Variants in BOLL observed in about 807,000 individuals in gnomAD.
The protein encoded by BOLL is protein boule-like.
In BOLL, 23 loss-of-function variants were observed where a neutral mutation model predicts 44.4. That is an observed-to-expected ratio of 0.52 (90% CI 0.37 to 0.73). The LOEUF is 0.73. BOLL is among the 30% of genes least tolerant of loss of function. BOLL has a pLI of 0.00. For synonymous variants in BOLL, 97 were observed against 110.8 expected (o/e 0.88, Z 0.78); for missense variants, 287 against 338.3 (o/e 0.85, Z 1.19).
chr2:197,759,442 G>A (rs1490381530), intron 7 of BOLL, among the ~76,000 whole-genome samples: 1 of 151,990 alleles, frequency 6.6e-6, no homozygotes, highest in South Asian at 2.1e-4. Context: ...GGAGTACAAA[G>A]TGTGTACTCC....
intron 7 of BOLL, among the ~76,000 whole-genome samples, chr2:197,759,791 T>C (rs1688671082): frequency 1.3e-5 from 2 of 152,184 alleles, no homozygotes; most frequent in Admixed American, 1.3e-4. Flanking sequence ...TCCTCAAGCC[T>C]CGTAGTAGCT....
At chr2:197,784,660 C>A in intron 1 of BOLL, 2 of 917,296 alleles carry the variant, frequency 2.2e-6, no homozygotes, top group Non-Finnish European at 2.6e-6. Context: ...GATCTCCTGA[C>A]CTCGTGATCC....
Position 197,728,361 on chromosome 2 carries a change from G to T in BOLL, c.*194C>A. 1.2e-6 allele frequency: 1 copy of T among 806,526 alleles called. No individual in the cohort carries two copies. The highest frequency in any genetic ancestry group is 1.9e-6 in the Non-Finnish European group (1 of 515,198). The allele number at this position is 806,526 out of a possible 1,614,324, so 50.0% of individuals were successfully genotyped here. ...ATGCCACATCTACCTAAATAATTTTGTAGAACAGCTGAAAAAGCAAATTTC... is the reference window on the plus strand; with the variant it reads ...ATGCCACATCTACCTAAATAATTTTTTAGAACAGCTGAAAAAGCAAATTTC... On this transcript the variant is annotated 3_prime_UTR_variant, in exon 11 of 11. Transcript: ENST00000392296.
At chr2:197,730,481 CGAGAA>C (rs1257489328) in intron 10 of BOLL, among the ~76,000 whole-genome samples, 1 of 139,670 alleles carries the variant, frequency 7.2e-6, no homozygotes, top group Non-Finnish European at 1.5e-5. Flanking sequence ...AGATACTCCT[CGAGAA>C]GAGCAACTCC....
At chr2:197,751,118 T>C (rs1327411488) in intron 9 of BOLL, among the ~76,000 whole-genome samples, 2 of 152,156 alleles carry the variant, frequency 1.3e-5, no homozygotes, top group South Asian at 2.1e-4. Context: ...AGACACAACA[T>C]ACCAGAATCT....
In BOLL at chr2:197,752,251, G is replaced by A. The variant is rs1035168640; in HGVS notation, c.729+4177C>T. Among the ~76,000 whole-genome samples, 10 of 152,170 alleles carry A rather than the reference G, an allele frequency of 6.6e-5. No individual in the cohort carries two copies. In the South Asian group the frequency reaches 1.4e-3, roughly 22 times the overall value. On this transcript the variant is annotated intron_variant, in intron 9 of 10. Transcript: ENST00000392296. ...TTGAAAACCGGCACAAGACAAGGAT[G>A]CCTTCTCTCATCACTCCTATTCAAC...
chr2:197,746,901 A>G (rs1013961092), intron 9 of BOLL, among the ~76,000 whole-genome samples: 87 of 41,376 alleles, frequency 2.1e-3, no homozygotes, highest in Middle Eastern at 0.014. Context: ...TCTGTCTCGA[A>G]AAAAAAAAAA....
chr2:197,747,594 A>AAG (rs1688047151), intron 9 of BOLL, among the ~76,000 whole-genome samples: 1 of 151,456 alleles, frequency 6.6e-6, no homozygotes, highest in African/African-American at 2.4e-5. Flanking sequence ...AAAAAAAAAA[A>AAG]AAAAAAAAAA....
Position 197,785,180 on chromosome 2 carries a change from C to G in BOLL, c.-140G>C, listed in dbSNP as rs1417052396. The G allele has an allele frequency of 3.0e-6, 3 of 985,804 alleles. No individual in the cohort carries two copies. The highest frequency in any genetic ancestry group is 1.7e-5 in the African/African-American group (1 of 57,228). 61.1% of individuals were successfully genotyped at this position (985,804 alleles called of 1,614,324 possible). A position where few individuals can be genotyped will look rare whatever the true frequency, so the allele number is the denominator to read the frequency against. On this transcript the variant is annotated 5_prime_UTR_variant, in exon 1 of 11. Transcript: ENST00000392296. The surrounding 1 kb of genome is among the most constrained non-coding windows in gnomAD (Gnocchi z 6.7). ...GTCATCGTGAACTTGGGCACCGAAA[C>G]GAGGATCCACCCCCTCCCCACCAAA...
At chr2:197,764,056 T>C (rs572178122) in intron 7 of BOLL, among the ~76,000 whole-genome samples, 8 of 152,274 alleles carry the variant, frequency 5.3e-5, no homozygotes, top group South Asian at 2.1e-4. Context: ...GGTGAGGATG[T>C]AGAGAAAAGG....
chr2:197,726,966 CAT>C lies in BOLL; in HGVS notation c.*1587_*1588del, dbSNP rs1484538279. 6.6e-6 allele frequency: 1 copy of C among 152,528 alleles called. No individual in the cohort carries two copies. The highest frequency in any genetic ancestry group is 2.4e-5 in the African/African-American group (1 of 41,428). The allele number at this position is 152,528 out of a possible 1,614,324, so 9.4% of individuals were successfully genotyped here. On this transcript the variant is annotated 3_prime_UTR_variant, in exon 11 of 11. Coordinates refer to ENST00000392296, the MANE Select transcript of BOLL (RefSeq NM_033030.6). ...CTTGTTTAACATTTGAAAATCAAAACATAAACTTTTTGGTTCTCAAGGATAGT... is the reference window on the plus strand; with the variant it reads ...CTTGTTTAACATTTGAAAATCAAAACAAACTTTTTGGTTCTCAAGGATAGT...
intron 3 of BOLL, among the ~76,000 whole-genome samples, chr2:197,777,521 T>C (rs974038839): frequency 6.6e-6 from 1 of 151,916 alleles, no homozygotes; most frequent in Non-Finnish European, 1.5e-5. Flanking sequence ...CACAATAAAA[T>C]TTCTTATATT....
Position 197,728,433 on chromosome 2 carries a change from AT to A in BOLL, c.*121del. On this transcript the variant is annotated 3_prime_UTR_variant, in exon 11 of 11. Transcript: ENST00000392296. Reference sequence around the variant, plus strand: ...GTGGAATAACTGAGTATGGTGAGGTATTAACTAACACTAAGTTTCACAACGG... The same window carrying A: ...GTGGAATAACTGAGTATGGTGAGGTATAACTAACACTAAGTTTCACAACGG... 1 of 1,473,486 alleles carries A rather than the reference AT, an allele frequency of 6.8e-7. No individual in the cohort carries two copies. The highest frequency in any genetic ancestry group is 9.5e-7 in the Non-Finnish European group (1 of 1,057,872). The allele number at this position is 1,473,486 out of a possible 1,614,324, so 91.3% of individuals were successfully genotyped here.
chr2:197,781,862 T>A lies in BOLL; in HGVS notation c.-12A>T. 6.3e-7 allele frequency: 1 copy of A among 1,583,620 alleles called. No individual in the cohort carries two copies. The highest frequency in any genetic ancestry group is 8.6e-7 in the Non-Finnish European group (1 of 1,159,846). Reference sequence around the variant, plus strand: ...GAATCTGTTTGCATCTGGTTTGATGTTTGCTGTAAAATAAAATTCTTTTAC... The same window carrying A: ...GAATCTGTTTGCATCTGGTTTGATGATTGCTGTAAAATAAAATTCTTTTAC... On this transcript the variant is annotated 5_prime_UTR_variant, in exon 2 of 11. Transcript: ENST00000392296.
chr2:197,764,173 A>T (rs1306549108), intron 7 of BOLL, among the ~76,000 whole-genome samples: 2 of 152,234 alleles, frequency 1.3e-5, no homozygotes, highest in African/African-American at 4.8e-5. Flanking sequence ...ATGATCTGGT[A>T]ATCCCACTAC....
intron 3 of BOLL, 32 bp from the exon 4 acceptor site, chr2:197,777,145 T>A (rs752840846): frequency 2.2e-6 from 3 of 1,366,808 alleles, no homozygotes; most frequent in Non-Finnish European, 3.0e-6. Context: ...TACTAATTAA[T>A]CATTTTCTTA....
At chr2:197,757,977 A>C (rs1688591906) in intron 7 of BOLL, among the ~76,000 whole-genome samples, 1 of 152,222 alleles carries the variant, frequency 6.6e-6, no homozygotes, top group Non-Finnish European at 1.5e-5. Flanking sequence ...CATACCTACT[A>C]GGATGGCTTT....
Position 197,757,338 on chromosome 2 carries a change from A to C in BOLL, c.600+15T>G. The C allele has an allele frequency of 2.5e-6, 4 of 1,596,094 alleles. No homozygotes were observed. The highest frequency in any genetic ancestry group is 3.4e-6 in the Non-Finnish European group (4 of 1,168,060). On this transcript the variant is annotated intron_variant, in intron 8 of 10. Transcript: ENST00000392296. ...AAGAAGGATTTAAAATTATATATTG[A>C]AAGTTAACATTTACCTGAGGAACAC...
chr2:197,779,553 T>C (rs917083635), intron 2 of BOLL, among the ~76,000 whole-genome samples: 2 of 152,000 alleles, frequency 1.3e-5, no homozygotes, highest in African/African-American at 2.4e-5. Context: ...AAGGAATGTA[T>C]TTCCAAAAGT....
Sources: gnomAD v4.1 joint callset for allele counts (sites outside exome capture counted in the v4.1 genomes callset) on GRCh38, gnomAD v4.1.1 for gene constraint, Gnocchi (gnomAD v3.1) non-coding constraint, MANE v1.5 for transcripts, NCBI Gene and HGNC (gene_info 2026-07-23, HGNC 2026-07-21) for gene names.